The following CDH4 variants were observed in gnomAD, a reference collection of about 807,000 sequenced individuals.
CDH4 encodes the protein cadherin 4, also known as cadherin-4.
A neutral mutation model predicts 86.0 loss-of-function variants in CDH4; 33 were observed. That is an observed-to-expected ratio of 0.38 (90% CI 0.29 to 0.51). The LOEUF is 0.51. Ranked by LOEUF, CDH4 falls within the 20% of genes least tolerant of loss-of-function variation. The pLI, the probability that CDH4 is intolerant of heterozygous loss-of-function variation, is 0.86. For synonymous variants in CDH4, 555 were observed against 549.4 expected, an observed-to-expected ratio of 1.01 and a Z score of -0.14; for missense variants, 1,114 against 1,307.4, an observed-to-expected ratio of 0.85 and a Z score of 2.28.
At chr20:61,849,087 C>T (rs1472974620) in intron 5 of CDH4, among the ~76,000 whole-genome samples, 3 of 152,140 alleles carry the variant, frequency 2.0e-5, no homozygotes, top group African/African-American at 7.2e-5. Context: ...GCAGGAGATG[C>T]AGGGCCCAGA....
intron 11 of CDH4, among the ~76,000 whole-genome samples, chr20:61,925,523 C>T (rs539453241): frequency 6.6e-6 from 1 of 152,326 alleles, no homozygotes; most frequent in South Asian, 2.1e-4. Context: ...TTTGCTGCGG[C>T]CGTGATGACT....
At chr20:61,318,586 G>C (rs1207978895) in intron 2 of CDH4, among the ~76,000 whole-genome samples, 1 of 152,184 alleles carries the variant, frequency 6.6e-6, no homozygotes, top group Non-Finnish European at 1.5e-5. Flanking sequence ...CTCTAGAAGG[G>C]CACCATGGTC....
At chr20:61,798,571 G>A (rs1038306128) in intron 4 of CDH4, among the ~76,000 whole-genome samples, 1 of 152,220 alleles carries the variant, frequency 6.6e-6, no homozygotes, top group Non-Finnish European at 1.5e-5. Context: ...AGCCACCTGA[G>A]TGTTAGACTG....
chr20:61,829,257 T>C lies in CDH4; in HGVS notation c.577-15411T>C, dbSNP rs138563690. ...TACTTTGTGTCAATGGAAGGAGGTA[T>C]TATGTGGGGTTTGTGTCCGGCTTCT... is the stretch of plus-strand genomic sequence containing the variant. On this transcript the variant is annotated intron_variant, in intron 4 of 15. Transcript: ENST00000614565. This position sits in a 1 kb window ranked among gnomAD's most constrained non-coding sequence, Gnocchi z 4.2. 4.0e-4 allele frequency among the ~76,000 whole-genome samples: 61 copies of C among 152,316 alleles called. No individual in the cohort carries two copies. Among genetic ancestry groups the C allele is most frequent in the Non-Finnish European group, 6.2e-4 (42 of 68,032 alleles).
chr20:61,667,542 C>T (rs544045932), intron 2 of CDH4, among the ~76,000 whole-genome samples: 49 of 152,344 alleles, frequency 3.2e-4, no homozygotes, highest in Admixed American at 1.2e-3. Context: ...TGCGCCCAGA[C>T]GGCCCCACTG....
intron 2 of CDH4, among the ~76,000 whole-genome samples, chr20:61,371,234 G>A (rs1281563680): frequency 1.3e-5 from 2 of 152,192 alleles, no homozygotes; most frequent in Non-Finnish European, 2.9e-5. Context: ...GGCCAGAAGG[G>A]TGGGAAGTGG....
chr20:61,424,983 C>T (rs767138730), intron 2 of CDH4, among the ~76,000 whole-genome samples: 36 of 152,234 alleles, frequency 2.4e-4, no homozygotes, highest in Non-Finnish European at 4.4e-4. Context: ...GTGGGCCTCA[C>T]GCAGAGGAGG....
rs981049594 is a variant in CDH4 at position 61,818,478 on chromosome 20, C to G, written c.577-26190C>G. On this transcript the variant is annotated intron_variant, in intron 4 of 15. Coordinates refer to ENST00000614565, the MANE Select transcript of CDH4 (RefSeq NM_001794.5). ...TGGCTTGAGGCCAGGAATTCCAGAC[C>G]AGCCTGGGTAACATAGCAAGGCCCT... 9.2e-5 allele frequency among the ~76,000 whole-genome samples: 14 copies of G among 152,152 alleles called. No homozygotes were observed. The East Asian group carries it at 2.7e-3, about 30-fold the overall frequency.
intron 2 of CDH4, among the ~76,000 whole-genome samples, chr20:61,670,911 G>C (rs112034045): frequency 6.6e-6 from 1 of 152,096 alleles, no homozygotes; most frequent in Non-Finnish European, 1.5e-5. Context: ...CAAAAGGAAG[G>C]GCCCCTAGGA....
At chr20:61,455,268 T>C (rs1283564866) in intron 2 of CDH4, among the ~76,000 whole-genome samples, 1 of 152,190 alleles carries the variant, frequency 6.6e-6, no homozygotes, top group Admixed American at 6.5e-5. Context: ...ATGTAAGCAC[T>C]CCAGAAGAAA....
chr20:61,617,121 G>A (rs758175761), intron 2 of CDH4, among the ~76,000 whole-genome samples: 9 of 152,078 alleles, frequency 5.9e-5, no homozygotes, highest in Non-Finnish European at 8.8e-5. Context: ...GAGGCTCATC[G>A]GCCTTGGCTC....
intron 2 of CDH4, among the ~76,000 whole-genome samples, chr20:61,589,653 A>T (rs895759747): frequency 3.3e-5 from 5 of 152,102 alleles, no homozygotes; most frequent in African/African-American, 1.2e-4. Context: ...CATGGTTGAC[A>T]TTGAAAGACA....
At chr20:61,429,755 GTGGATGGATGGA>G (rs111226650) in intron 2 of CDH4, among the ~76,000 whole-genome samples, 3 of 141,188 alleles carry the variant, frequency 2.1e-5, no homozygotes, top group Non-Finnish European at 4.8e-5. Context: ...GGATAGGTGT[GTGGATGGATGGA>G]TGGATGGATG....
At chr20:61,875,659 C>G (rs941939836) in intron 7 of CDH4, among the ~76,000 whole-genome samples, 7 of 152,192 alleles carry the variant, frequency 4.6e-5, no homozygotes, top group African/African-American at 1.4e-4. Context: ...GCACCTTCAC[C>G]TCAGGACTGC....
chr20:61,875,388 C>T (rs1044290097), intron 7 of CDH4, among the ~76,000 whole-genome samples: 17 of 151,570 alleles, frequency 1.1e-4, no homozygotes, highest in East Asian at 1.9e-4. Flanking sequence ...AGGTGGCCGC[C>T]GGGTTCAGCA....
At chr20:61,818,638 A>G (rs1275627127) in intron 4 of CDH4, among the ~76,000 whole-genome samples, 1 of 150,832 alleles carries the variant, frequency 6.6e-6, no homozygotes, top group Non-Finnish European at 1.5e-5. Flanking sequence ...TGATTGCCCC[A>G]CTGCACTCCA....
intron 4 of CDH4, among the ~76,000 whole-genome samples, chr20:61,839,723 AGTGT>A (rs914754428): frequency 9.1e-5 from 13 of 142,672 alleles, no homozygotes; most frequent in South Asian, 2.2e-4. Context: ...TTGTGTATTG[AGTGT>A]GTGTGTTGTG....
intron 2 of CDH4, among the ~76,000 whole-genome samples, chr20:61,323,725 A>G (rs907672760): frequency 2.0e-5 from 3 of 152,170 alleles, no homozygotes; most frequent in Non-Finnish European, 2.9e-5. Flanking sequence ...GTGGCTATGC[A>G]GGAACACTGA....
chr20:61,892,141 T>A (rs1984852143), intron 7 of CDH4, among the ~76,000 whole-genome samples: 1 of 152,218 alleles, frequency 6.6e-6, no homozygotes, highest in Admixed American at 6.5e-5. Flanking sequence ...ATGCGCAGAT[T>A]CAGCCCACAG....
Sources: allele counts gnomAD v4.1 joint callset (sites outside exome capture counted in the v4.1 genomes callset), GRCh38; gene constraint gnomAD v4.1.1; non-coding constraint Gnocchi (gnomAD v3.1); transcripts MANE v1.5; gene names NCBI Gene and HGNC (gene_info 2026-07-23, HGNC 2026-07-21).